The following COL3A1 variants were observed in gnomAD, a reference collection of about 807,000 sequenced individuals.
COL3A1 encodes collagen type III alpha 1 chain.
In COL3A1, 46 loss-of-function variants were observed where a neutral mutation model predicts 200.9. That is an observed-to-expected ratio of 0.23 (90% CI 0.18 to 0.29). The LOEUF is 0.29. COL3A1 is among the 10% of genes least tolerant of loss of function. The probability of loss-of-function intolerance (pLI) is 1.00; values close to 1 mark genes in which losing one functional copy is unlikely to be tolerated. For missense variants in COL3A1, 1,367 were observed against 1,917.6 expected (o/e 0.71, Z 5.36); for synonymous variants, 650 against 628.0 (o/e 1.03, Z -0.52).
Position 188,994,264 on chromosome 2 carries a change from C to T in COL3A1, c.1225C>T (p.Leu409=). 1 of 1,614,028 alleles carries T rather than the reference C, an allele frequency of 6.2e-7. No homozygotes were observed. The highest frequency in any genetic ancestry group is 8.5e-7 in the Non-Finnish European group (1 of 1,179,988). ...GPAGIPGAPG[L]MGARGPPGPA... ...CGCTGGCATTCCTGGAGCTCCTGGACTGATGGGAGCCCGGGGTCCTCCAGG... is the reference window on the plus strand; with the variant it reads ...CGCTGGCATTCCTGGAGCTCCTGGATTGATGGGAGCCCGGGGTCCTCCAGG... Residue 409 remains leucine (L), a synonymous_variant, in exon 18 of 51, where the codon CTG becomes TTG. Coordinates refer to ENST00000304636, the MANE Select transcript of COL3A1 (RefSeq NM_000090.4). This position sits in a 1 kb window ranked among gnomAD's most constrained non-coding sequence, Gnocchi z 4.5.
chr2:189,010,631 T>A lies in COL3A1; in HGVS notation c.4012-17T>A. 6.2e-7 allele frequency: 1 copy of A among 1,614,142 alleles called. No homozygotes were observed. Among genetic ancestry groups the A allele is most frequent in the Non-Finnish European group, 8.5e-7 (1 of 1,179,980 alleles). On this transcript the variant is annotated splice_polypyrimidine_tract_variant and intron_variant, in intron 49 of 50. Coordinates refer to ENST00000304636, the MANE Select transcript of COL3A1 (RefSeq NM_000090.4). The stretch of plus-strand genomic sequence containing the variant: ...CAACTGAAATGTTTGATCTGTTTTA[T>A]TTGTTCCCTATTACAGTTTAGCTAC...
At chr2:188,993,592 C>T (rs1688234276) in intron 16 of COL3A1, 133 bp downstream of exon 16, 1 of 781,016 alleles carries the variant, frequency 1.3e-6, no homozygotes, top group Non-Finnish European at 2.2e-6. Context: ...AAAATTGTTG[C>T]TTAGTGCTCT....
chr2:189,005,026 T>A (rs1023523820), intron 40 of COL3A1, among the ~76,000 whole-genome samples: 2 of 152,196 alleles, frequency 1.3e-5, no homozygotes, highest in African/African-American at 2.4e-5. Flanking sequence ...ACCATACACC[T>A]CTAGTTTCAT....
At chr2:189,008,815 T>G in intron 47 of COL3A1, 109 bp from the exon 48 acceptor site, 1 of 1,216,062 alleles carries the variant, frequency 8.2e-7, no homozygotes, top group South Asian at 1.2e-5. Flanking sequence ...ATAATTCTGA[T>G]GACACAATGA....
Position 188,994,328 on chromosome 2 carries a change from G to T in COL3A1, c.1289G>T (p.Gly430Val), listed in dbSNP as rs1321106360. The change falls in exon 18 of 51, where the codon GGT becomes GTT. Residue 430 changes from glycine to valine, a missense_variant. Physicochemically the swap from Gly to Val is moderately radical, Grantham distance 109. Coordinates refer to ENST00000304636, the MANE Select transcript of COL3A1 (RefSeq NM_000090.4). The surrounding 1 kb of genome is among the most constrained non-coding windows in gnomAD (Gnocchi z 4.5). ...AATGGTGCTCCTGGACTGCGAGGTGGTGCAGTAAGTTGCCTTGTTTTTTCT... is the reference window on the plus strand; with the variant it reads ...AATGGTGCTCCTGGACTGCGAGGTGTTGCAGTAAGTTGCCTTGTTTTTTCT... The part of the protein sequence containing the change: ...GANGAPGLRG[G>V]AGEPGKNGAK... 2 of 1,613,402 alleles carry T rather than the reference G, an allele frequency of 1.2e-6. No individual in the cohort carries two copies. Among genetic ancestry groups the T allele is most frequent in the African/African-American group, 1.3e-5 (1 of 74,882 alleles).
At position 188,990,092 on chromosome 2, in the gene COL3A1, C is replaced by A; in HGVS notation, c.691-4C>A. The A allele has an allele frequency of 6.2e-7, 1 of 1,613,110 alleles. No homozygotes were observed. Among genetic ancestry groups the A allele is most frequent in the Non-Finnish European group, 8.5e-7 (1 of 1,179,296 alleles). On this transcript the variant is annotated splice_region_variant and splice_polypyrimidine_tract_variant and intron_variant, in intron 8 of 50. Coordinates refer to ENST00000304636, the MANE Select transcript of COL3A1 (RefSeq NM_000090.4). ...ACCTACGTATTCTTTATTTCTCTAC[C>A]TAGGGAGAATCAGGTAGACCCGGAC...
At position 189,009,155 on chromosome 2, in the gene COL3A1, G is replaced by A. The variant is rs1447586307; in HGVS notation, c.3757G>A (p.Gly1253Ser). 3 of 1,614,176 alleles carry A rather than the reference G, an allele frequency of 1.9e-6. No individual in the cohort carries two copies. Among genetic ancestry groups the A allele is most frequent in the Non-Finnish European group, 2.5e-6 (3 of 1,180,020 alleles). Residue 1253 changes from glycine (G) to serine (S), a missense_variant, in exon 48 of 51, where the codon GGT (glycine) becomes AGT (serine). Physicochemically the swap from Gly to Ser is moderately conservative, Grantham distance 56. Coordinates refer to ENST00000304636, the MANE Select transcript of COL3A1 (RefSeq NM_000090.4). Reference protein sequence around the residue: ...GQIESLISPDGSRKNPARNCR... With the variant: ...GQIESLISPDSSRKNPARNCR... ...AATAGAAAGCCTCATTAGTCCTGAT[G>A]GTTCTCGTAAAAACCCCGCTAGAAA...
Position 189,001,469 on chromosome 2 carries a change from T to G in COL3A1, c.2337+19T>G, listed in dbSNP as rs1412435139. On this transcript the variant is annotated intron_variant, in intron 33 of 50. Coordinates refer to ENST00000304636, the MANE Select transcript of COL3A1 (RefSeq NM_000090.4). ...AGATAAGGTAACCCTTAATACTACCTGGATATAAAAAGAAAATGTCTCTCT... is the reference window on the plus strand; with the variant it reads ...AGATAAGGTAACCCTTAATACTACCGGGATATAAAAAGAAAATGTCTCTCT... 6.2e-7 allele frequency: 1 copy of G among 1,614,120 alleles called. No homozygotes were observed. Among genetic ancestry groups the G allele is most frequent in the Non-Finnish European group, 8.5e-7 (1 of 1,179,966 alleles).
intron 36 of COL3A1, 52 bp downstream of exon 36, chr2:189,003,114 T>A: frequency 7.3e-7 from 1 of 1,371,090 alleles, no homozygotes; most frequent in Non-Finnish European, 1.0e-6. Flanking sequence ...ATCTATCTAT[T>A]GATTATCTGT....
intron 13 of COL3A1, among the ~76,000 whole-genome samples, 169 bp downstream of exon 13, chr2:188,991,891 T>C (rs997058323): frequency 5.9e-5 from 9 of 152,334 alleles, no homozygotes; most frequent in Non-Finnish European, 1.2e-4. Flanking sequence ...AAATGAATAA[T>C]TGTTTTACAA....
chr2:189,010,178 G>A lies in COL3A1; in HGVS notation c.3824G>A (p.Gly1275Glu), dbSNP rs1688689269. 1 of 1,613,840 alleles carries A rather than the reference G, an allele frequency of 6.2e-7. No homozygotes were observed. Among genetic ancestry groups the A allele is most frequent in the South Asian group, 1.1e-5 (1 of 91,074 alleles). Residue 1275 changes from glycine (G) to glutamate (E), a missense_variant and splice_region_variant, in exon 49 of 51, where the codon GGA becomes GAA. This residue lies in a region of COL3A1 where 846 missense variants were observed against 1,147.9 expected (regional missense o/e 0.74). Coordinates refer to ENST00000304636, the MANE Select transcript of COL3A1 (RefSeq NM_000090.4). ...LKFCHPELKS[G>E]EYWVDPNQGC... ...CCCATTCTTTTTTGTGACTATTCAG[G>A]AGAATACTGGGTTGACCCTAACCAA... is the stretch of plus-strand genomic sequence containing the variant.
chr2:188,979,292 T>C (rs1436980824), intron 1 of COL3A1, among the ~76,000 whole-genome samples: 1 of 151,954 alleles, frequency 6.6e-6, no homozygotes, highest in Admixed American at 6.6e-5. Flanking sequence ...TGGAGTTGCA[T>C]AGCATGTTCA....
Position 189,010,671 on chromosome 2 carries a change from T to A in COL3A1, c.4035T>A (p.Leu1345=). 1 of 1,614,196 alleles carries A rather than the reference T, an allele frequency of 6.2e-7. No individual in the cohort carries two copies. Among genetic ancestry groups the A allele is most frequent in the Non-Finnish European group, 8.5e-7 (1 of 1,179,998 alleles). The change falls in exon 50 of 51, where the codon CTT becomes CTA. Residue 1345 remains leucine (L), a synonymous_variant. Transcript: ENST00000304636. The stretch of plus-strand genomic sequence containing the variant: ...AGTTTAGCTACGGCAATCCTGAACT[T>A]CCTGAAGATGTCCTTGATGTGCATC... ...GFQFSYGNPE[L]PEDVLDVHLA... is the part of the protein sequence containing the mutation.
Position 188,997,392 on chromosome 2 carries a change from A to G in COL3A1, c.1869+3A>G. On this transcript the variant is annotated splice_donor_region_variant and intron_variant, in intron 26 of 50. Transcript: ENST00000304636. ...CTCAGGGACCCCCAGGGCCTACTGT[A>G]AGTTCACTCATATAAAATTGGAGAT... The G allele has an allele frequency of 6.2e-7, 1 of 1,613,440 alleles. No individual in the cohort carries two copies. The highest frequency in any genetic ancestry group is 8.5e-7 in the Non-Finnish European group (1 of 1,179,406).
Position 189,011,636 on chromosome 2 carries a change from T to C in COL3A1, c.4263T>C (p.Thr1421=), listed in dbSNP as rs755625950. The C allele has an allele frequency of 6.2e-7, 1 of 1,613,964 alleles. No individual in the cohort carries two copies. The highest frequency in any genetic ancestry group is 1.1e-5 in the South Asian group (1 of 91,080). Residue 1421 remains threonine (T), a synonymous_variant, in exon 51 of 51, where the codon ACT becomes ACC. Transcript: ENST00000304636. ...TTTGTCCTTTTTTACAGAAACACAC[T>C]GGGGAATGGAGCAAAACAGTCTTTG... ...TVLEDGCTKH[T]GEWSKTVFEY...
Position 189,006,940 on chromosome 2 carries a change from C to T in COL3A1, c.3205C>T (p.Pro1069Ser), listed in dbSNP as rs200122671. ...GKSGDRGESGPAGPAGAPGPA... is the reference protein window; with the variant it reads ...GKSGDRGESGSAGPAGAPGPA... ...CAATTGAATGTTTTCATCTTAGGGC[C>T]CTGCTGGCCCTGCTGGTGCTCCCGG... Residue 1069 changes from proline to serine, a missense_variant, in exon 44 of 51, where the codon CCT becomes TCT. Transcript: ENST00000304636. 9.9e-6 allele frequency: 16 copies of T among 1,613,012 alleles called. No homozygotes were observed. Among genetic ancestry groups the T allele is most frequent in the Non-Finnish European group, 1.4e-5 (16 of 1,179,638 alleles).
rs1162290106 is a variant in COL3A1, at chr2:188,994,473, G to C, written c.1294-68G>C. ...GTCTTATAACTTATAACTGAATTAT[G>C]TGTTACTGGTGATGATTTGTTAGTC... On this transcript the variant is annotated intron_variant, in intron 18 of 50. Transcript: ENST00000304636. This position sits in a 1 kb window ranked among gnomAD's most constrained non-coding sequence, Gnocchi z 4.5. The C allele has an allele frequency of 2.5e-6, 4 of 1,574,034 alleles. No individual in the cohort carries two copies. In the Admixed American group the frequency reaches 6.7e-5, roughly 26 times the overall value.
At chr2:188,998,467 T>C (rs1214233228) in intron 28 of COL3A1, 148 bp downstream of exon 28, 2 of 940,668 alleles carry the variant, frequency 2.1e-6, no homozygotes, top group East Asian at 2.6e-5. Flanking sequence ...AGACAAATTA[T>C]TTAAAAGATA....
chr2:188,990,387 A>G, intron 10 of COL3A1, 27 bp downstream of exon 10: 1 of 1,596,438 alleles, frequency 6.3e-7, no homozygotes, highest in South Asian at 1.1e-5. Context: ...AGTTGTTTAC[A>G]AGGTATTCCA....
Sources: gnomAD v4.1 joint callset for allele counts (sites outside exome capture counted in the v4.1 genomes callset) on GRCh38, gnomAD v4.1.1 for gene constraint, gnomAD v4.1.1 regional missense constraint, Gnocchi (gnomAD v3.1) non-coding constraint, MANE v1.5 for transcripts, NCBI Gene and HGNC (gene_info 2026-07-23, HGNC 2026-07-21) for gene names.